CDK8: variants seen among roughly 807,000 people sequenced by gnomAD.
CDK8 encodes the protein cyclin-dependent kinase 8.
CDK8 carries 29 observed loss-of-function variants against 71.5 expected under a neutral mutation model. The ratio of observed to expected loss-of-function variants is 0.41; its 90% confidence interval spans 0.30 to 0.55. The LOEUF is 0.55. Ranked by LOEUF, CDK8 falls within the 20% of genes least tolerant of loss-of-function variation. The probability of loss-of-function intolerance (pLI) is 0.37; values close to 1 mark genes in which losing one functional copy is unlikely to be tolerated. For missense variants in CDK8, 288 were observed against 572.6 expected (o/e 0.50, Z 5.07); for synonymous variants, 161 against 192.1 (o/e 0.84, Z 1.34).
intron 1 of CDK8, among the ~76,000 whole-genome samples, chr13:26,293,938 C>T (rs1288443159): frequency 6.6e-6 from 1 of 152,114 alleles, no homozygotes; most frequent in East Asian, 1.9e-4. Context: ...CCTCCTCCTC[C>T]AGCCCCTGGT....
intron 5 of CDK8, among the ~76,000 whole-genome samples, chr13:26,384,918 C>T (rs189568406): frequency 1.4e-4 from 21 of 152,296 alleles, no homozygotes; most frequent in Admixed American, 2.0e-4. Context: ...CTGTCCCTAA[C>T]GGTGGGGTGA....
chr13:26,329,564 A>G (rs1365069263), intron 1 of CDK8, among the ~76,000 whole-genome samples: 1 of 149,472 alleles, frequency 6.7e-6, no homozygotes, highest in African/African-American at 2.5e-5. Flanking sequence ...GTGCAGTGGC[A>G]GGATCTTGGC....
chr13:26,321,743 T>A (rs922292592), intron 1 of CDK8, among the ~76,000 whole-genome samples: 1 of 152,104 alleles, frequency 6.6e-6, no homozygotes. Context: ...TTTCTCTTTC[T>A]CTTCTATATA....
At chr13:26,367,631 C>T (rs1233831675) in intron 4 of CDK8, among the ~76,000 whole-genome samples, 1 of 152,066 alleles carries the variant, frequency 6.6e-6, no homozygotes, top group Non-Finnish European at 1.5e-5. Context: ...TTTCAAGTTG[C>T]CCTGTGAATA....
In CDK8 at chr13:26,254,581, C is replaced by A; in HGVS notation, c.-61C>A. 1.4e-6 allele frequency: 2 copies of A among 1,402,532 alleles called. No individual in the cohort carries two copies. Among genetic ancestry groups the A allele is most frequent in the Non-Finnish European group, 9.7e-7 (1 of 1,036,004 alleles). The allele number at this position is 1,402,532 out of a possible 1,614,324, so 86.9% of individuals were successfully genotyped here. A position where few individuals can be genotyped will look rare whatever the true frequency, so the allele number is the denominator to read the frequency against. ...GGGGCTGCGGCTGCCCGTGCTTCCC[C>A]GGTCCCCACCCCTGCCCCCCGGCCC... On this transcript the variant is annotated 5_prime_UTR_variant, in exon 1 of 13. Coordinates refer to ENST00000381527, the MANE Select transcript of CDK8 (RefSeq NM_001260.3). The surrounding 1 kb of genome is among the most constrained non-coding windows in gnomAD (Gnocchi z 6.7).
intron 1 of CDK8, among the ~76,000 whole-genome samples, chr13:26,304,703 C>T (rs2137921353): frequency 6.6e-6 from 1 of 152,214 alleles, no homozygotes; most frequent in East Asian, 1.9e-4. Flanking sequence ...GTGGTGTGAT[C>T]AGAGTTCACT....
Position 26,400,242 on chromosome 13 carries a change from G to A in CDK8, c.934-211G>A, listed in dbSNP as rs1393342417. The stretch of plus-strand genomic sequence containing the variant: ...GTTTAGTCAGAGAACATAAGCAAGA[G>A]TAAAACAAGTGAGATTATGAAACTG... On this transcript the variant is annotated intron_variant, in intron 9 of 12. Coordinates refer to ENST00000381527, the MANE Select transcript of CDK8 (RefSeq NM_001260.3). The A allele has an allele frequency of 1.2e-5, 6 of 509,544 alleles. No homozygotes were observed. The East Asian group carries it at 1.7e-4, about 14-fold the overall frequency. 31.6% of individuals were successfully genotyped at this position (509,544 alleles called of 1,614,324 possible). A position where few individuals can be genotyped will look rare whatever the true frequency, so the allele number is the denominator to read the frequency against.
chr13:26,323,060 G>A (rs1874854053), intron 1 of CDK8, among the ~76,000 whole-genome samples: 1 of 152,062 alleles, frequency 6.6e-6, no homozygotes, highest in African/African-American at 2.4e-5. Context: ...ACTGCTCGAT[G>A]CATGGCATAT....
At chr13:26,350,564 G>A (rs1873642814) in intron 3 of CDK8, among the ~76,000 whole-genome samples, 1 of 152,124 alleles carries the variant, frequency 6.6e-6, no homozygotes, top group Admixed American at 6.5e-5. Context: ...GCTGCAGTGG[G>A]TCCTGTTTGC....
intron 1 of CDK8, among the ~76,000 whole-genome samples, chr13:26,264,856 A>T (rs576481633): frequency 1.3e-5 from 2 of 152,164 alleles, no homozygotes; most frequent in South Asian, 4.1e-4. Context: ...GGCTTATTTC[A>T]CTTAACATAA....
At chr13:26,351,349 T>C (rs1459474178) in intron 3 of CDK8, among the ~76,000 whole-genome samples, 6 of 152,184 alleles carry the variant, frequency 3.9e-5, no homozygotes, top group South Asian at 2.1e-4. Context: ...ATTTCTTCTT[T>C]TTTTTTAAAT....
At chr13:26,398,341 G>A (rs1174896419) in intron 9 of CDK8, among the ~76,000 whole-genome samples, 4 of 152,162 alleles carry the variant, frequency 2.6e-5, no homozygotes, top group African/African-American at 9.7e-5. Context: ...AAGATTAGAA[G>A]TCATGACTTA....
chr13:26,296,561 T>C (rs1483106159), intron 1 of CDK8, among the ~76,000 whole-genome samples: 1 of 152,222 alleles, frequency 6.6e-6, no homozygotes, highest in Non-Finnish European at 1.5e-5. Context: ...TATCAGGTAC[T>C]GTCCTGAAGG....
intron 1 of CDK8, among the ~76,000 whole-genome samples, chr13:26,306,764 G>A (rs924136096): frequency 6.6e-6 from 1 of 151,852 alleles, no homozygotes; most frequent in African/African-American, 2.4e-5. Context: ...GAGTAGCTGG[G>A]ACTACAGGCA....
intron 6 of CDK8, among the ~76,000 whole-genome samples, chr13:26,387,302 A>G (rs1593305998): frequency 6.6e-6 from 1 of 152,082 alleles, no homozygotes; most frequent in Non-Finnish European, 1.5e-5. Context: ...TCTCCCTTCC[A>G]TGTAGCAAGC....
chr13:26,259,224 G>C (rs143457607), intron 1 of CDK8, among the ~76,000 whole-genome samples: 1 of 152,246 alleles, frequency 6.6e-6, no homozygotes, highest in East Asian at 1.9e-4. Flanking sequence ...TGTGACAGAA[G>C]AGGACAGTTA....
chr13:26,363,377 C>T (rs908817769), intron 4 of CDK8, among the ~76,000 whole-genome samples: 2 of 145,844 alleles, frequency 1.4e-5, no homozygotes, highest in African/African-American at 2.5e-5. Flanking sequence ...CAGCCATCGT[C>T]GGTTGGCCAC....
At chr13:26,289,772 G>A (rs550031594) in intron 1 of CDK8, among the ~76,000 whole-genome samples, 30 of 151,342 alleles carry the variant, frequency 2.0e-4, no homozygotes, top group African/African-American at 6.1e-4. Context: ...GGACAGTCTC[G>A]ATCTCCTGAG....
At chr13:26,266,562 G>C (rs1448114015) in intron 1 of CDK8, among the ~76,000 whole-genome samples, 1 of 152,170 alleles carries the variant, frequency 6.6e-6, no homozygotes, top group Non-Finnish European at 1.5e-5. Context: ...TCAGAGATAG[G>C]AAGTGTCACA....
Sources: allele counts gnomAD v4.1 joint callset (sites outside exome capture counted in the v4.1 genomes callset), GRCh38; gene constraint gnomAD v4.1.1; non-coding constraint Gnocchi (gnomAD v3.1); transcripts MANE v1.5; gene names NCBI Gene and HGNC (gene_info 2026-07-23, HGNC 2026-07-21).